Variants in SIPA1L1 observed in about 807,000 individuals in gnomAD.
SIPA1L1 encodes the protein signal induced proliferation associated 1 like 1, also known as signal-induced proliferation-associated 1-like protein 1.
In SIPA1L1, 26 loss-of-function variants were observed where a neutral mutation model predicts 162.7. That is an observed-to-expected ratio of 0.16 (90% CI 0.12 to 0.22). The LOEUF is 0.22. Among genes scored for constraint, SIPA1L1 ranks in the 10% least tolerant of loss-of-function variants. The probability of loss-of-function intolerance (pLI) is 1.00; values close to 1 mark genes in which losing one functional copy is unlikely to be tolerated. For synonymous variants in SIPA1L1, 829 were observed against 837.4 expected (o/e 0.99, Z 0.17); for missense variants, 1,874 against 2,241.0 (o/e 0.84, Z 3.31).
chr14:71,586,935 A>C (rs1028999462), intron 4 of SIPA1L1: 1 of 152,182 alleles, frequency 6.6e-6, no homozygotes, highest in African/African-American at 2.4e-5. Context: ...CTCGGTAAGT[A>C]ATAAAGTAGA....
At chr14:71,509,363 A>G (rs1357746830) in intron 2 of SIPA1L1, among the ~76,000 whole-genome samples, 1 of 152,242 alleles carries the variant, frequency 6.6e-6, no homozygotes, top group African/African-American at 2.4e-5. Context: ...TTAGTTATTC[A>G]TGAACTGGGA....
chr14:71,509,954 C>T (rs1199111391), intron 2 of SIPA1L1, among the ~76,000 whole-genome samples: 3 of 152,002 alleles, frequency 2.0e-5, no homozygotes, highest in Non-Finnish European at 4.4e-5. Context: ...TTTGGAAACA[C>T]TGGCCTGTTT....
intron 5 of SIPA1L1, among the ~76,000 whole-genome samples, chr14:71,595,300 C>T (rs2035903956): frequency 6.6e-6 from 1 of 152,192 alleles, no homozygotes; most frequent in Non-Finnish European, 1.5e-5. Flanking sequence ...TCATCAGCCC[C>T]TTTAGAAAGT....
chr14:71,376,629 G>C (rs1468349927), intron 2 of SIPA1L1, among the ~76,000 whole-genome samples: 1 of 151,758 alleles, frequency 6.6e-6, no homozygotes, highest in Non-Finnish European at 1.5e-5. Context: ...ATTTGGCAGG[G>C]TCATAGGACA....
chr14:71,528,531 T>A (rs2053118942), intron 3 of SIPA1L1, among the ~76,000 whole-genome samples: 1 of 151,988 alleles, frequency 6.6e-6, no homozygotes, highest in South Asian at 2.1e-4. Flanking sequence ...GGTGCGCGCC[T>A]CTAGTTCAGC....
At chr14:71,669,816 C>G (rs181664390) in intron 10 of SIPA1L1, among the ~76,000 whole-genome samples, 4 of 152,314 alleles carry the variant, frequency 2.6e-5, no homozygotes, top group Admixed American at 2.6e-4. Flanking sequence ...ATGGCATCTT[C>G]TGAGCATGTA....
Position 71,624,120 on chromosome 14 carries a change from C to T in SIPA1L1, c.1702C>T (p.Leu568=). The T allele has an allele frequency of 6.2e-7, 1 of 1,614,186 alleles. No homozygotes were observed. Among genetic ancestry groups the T allele is most frequent in the African/African-American group, 1.3e-5 (1 of 75,044 alleles). The change falls in exon 7 of 24, where the codon CTG becomes TTG. Residue 568 remains leucine, a synonymous_variant. Coordinates refer to ENST00000381232, the MANE Select transcript of SIPA1L1 (RefSeq NM_001386936.1). The part of the protein sequence containing the change: ...STAKHSTARG[L]PLKEVLEHVV... ...AGCCAAGCACTCGACAGCCAGAGGC[C>T]TGCCTCTCAAAGAAGTGCTGGAGCA...
chr14:71,567,193 G>T (rs1158910681), intron 4 of SIPA1L1, among the ~76,000 whole-genome samples: 1 of 152,206 alleles, frequency 6.6e-6, no homozygotes, highest in Admixed American at 6.5e-5. Flanking sequence ...TTGGAGTGAA[G>T]TTTGACTTTC....
At chr14:71,365,867 A>G (rs2140934339) in intron 2 of SIPA1L1, among the ~76,000 whole-genome samples, 1 of 150,084 alleles carries the variant, frequency 6.7e-6, no homozygotes, top group Middle Eastern at 3.4e-3. Context: ...CTGGGACTAC[A>G]GTTGTCTGCC....
chr14:71,451,556 G>A (rs966781245), intron 2 of SIPA1L1, among the ~76,000 whole-genome samples: 3 of 150,028 alleles, frequency 2.0e-5, no homozygotes, highest in African/African-American at 7.4e-5. Context: ...GATCACTTGA[G>A]CCCAGGAGGT....
At chr14:71,500,901 GA>G (rs1227810030) in intron 2 of SIPA1L1, among the ~76,000 whole-genome samples, 1 of 152,214 alleles carries the variant, frequency 6.6e-6, no homozygotes, top group Non-Finnish European at 1.5e-5. Flanking sequence ...AGCTACTCAG[GA>G]GGCTGAGGTA....
chr14:71,730,192 G>A lies in SIPA1L1; in HGVS notation c.4752G>A (p.Leu1584=). Residue 1584 remains leucine, a synonymous_variant, in exon 20 of 24, where the codon CTG becomes CTA. Transcript: ENST00000381232. The part of the protein sequence containing the change: ...EHFFTSRASL[L]DQALPNDVLF... ...TTTTCACCTCCAGGGCGTCACTTCT[G>A]GACCAAGCCCTGCCCAACGACGTCC... The A allele has an allele frequency of 6.2e-7, 1 of 1,614,120 alleles. No homozygotes were observed. The highest frequency in any genetic ancestry group is 8.5e-7 in the Non-Finnish European group (1 of 1,180,034).
intron 2 of SIPA1L1, among the ~76,000 whole-genome samples, chr14:71,502,253 A>ATATATATATATAT (rs1555440974): frequency 7.5e-4 from 67 of 89,866 alleles, no homozygotes; most frequent in South Asian, 2.4e-3. Context: ...AAAAAAAAAA[A>ATATATATATATAT]AAATATATAT....
At chr14:71,611,500 C>G (rs1459845534) in intron 5 of SIPA1L1, among the ~76,000 whole-genome samples, 2 of 152,054 alleles carry the variant, frequency 1.3e-5, no homozygotes, top group African/African-American at 4.8e-5. Context: ...ATCTATCAAC[C>G]TGTCATCTAG....
At chr14:71,367,324 C>T (rs1256946022) in intron 2 of SIPA1L1, among the ~76,000 whole-genome samples, 5 of 143,532 alleles carry the variant, frequency 3.5e-5, no homozygotes, top group African/African-American at 1.0e-4. Context: ...TTTTTTTTCC[C>T]GATATGGAGT....
At chr14:71,551,412 A>G (rs1358795833) in intron 4 of SIPA1L1, among the ~76,000 whole-genome samples, 1 of 152,190 alleles carries the variant, frequency 6.6e-6, no homozygotes. Flanking sequence ...ATTCCTTGGG[A>G]GAATCATCTG....
At chr14:71,542,665 CCCTCCTCCT>C (rs141999588) in intron 4 of SIPA1L1, among the ~76,000 whole-genome samples, 3 of 100,924 alleles carry the variant, frequency 3.0e-5, no homozygotes, top group African/African-American at 1.1e-4. Context: ...TCCTCCTCCT[CCCTCCTCCT>C]CCTCCTCCTT....
chr14:71,455,802 A>G (rs755579445), intron 2 of SIPA1L1, among the ~76,000 whole-genome samples: 3 of 152,140 alleles, frequency 2.0e-5, no homozygotes, highest in Non-Finnish European at 4.4e-5. Context: ...TGCCTGAGTC[A>G]TTATGTTAAA....
At chr14:71,354,768 G>A (rs2037080728) in intron 2 of SIPA1L1, among the ~76,000 whole-genome samples, 1 of 152,188 alleles carries the variant, frequency 6.6e-6, no homozygotes, top group African/African-American at 2.4e-5. Flanking sequence ...AAGTTGATTT[G>A]CTTTGTTCTT....
Sources: gnomAD v4.1 joint callset for allele counts (sites outside exome capture counted in the v4.1 genomes callset) on GRCh38, gnomAD v4.1.1 for gene constraint, MANE v1.5 for transcripts, NCBI Gene and HGNC (gene_info 2026-07-23, HGNC 2026-07-21) for gene names.